TMEM255A: variants seen among roughly 807,000 people sequenced by gnomAD.
The protein encoded by TMEM255A is transmembrane protein 255A, also known as family with sequence similarity 70, member A.
A neutral mutation model predicts 23.5 loss-of-function variants in TMEM255A; 14 were observed. The observed-to-expected ratio is 0.60, with a 90% CI of 0.39 to 0.93. TMEM255A has a LOEUF of 0.93. Among genes scored for constraint, TMEM255A ranks in the 40% least tolerant of loss-of-function variants. TMEM255A has a pLI of 0.00. For synonymous variants in TMEM255A, 104 were observed against 100.3 expected (o/e 1.04, Z -0.22); for missense variants, 233 against 261.7 (o/e 0.89, Z 0.76).
intron 1 of TMEM255A, among the ~76,000 whole-genome samples, chrX:120,310,559 C>T (rs1226135297): frequency 8.9e-6 from 1 of 112,200 alleles, no homozygotes. Flanking sequence ...TTTTCACACT[C>T]ATGCACATTC....
chrX:120,283,068 G>A lies in TMEM255A; in HGVS notation c.512+2059C>T, dbSNP rs181009835. ...ATAAAAACAAAGGGAAAGACAGATC[G>A]GGGAAGGAAGGATGAGGGGAGGCAA... On this transcript the variant is annotated intron_variant, in intron 6 of 8. Coordinates refer to ENST00000371369, the MANE Select transcript of TMEM255A (RefSeq NM_001104544.3). 8.2e-5 allele frequency among the ~76,000 whole-genome samples: 9 copies of A among 110,388 alleles called. No individual in the cohort carries two copies. The South Asian group carries it at 1.6e-3, about 19-fold the overall frequency.
intron 6 of TMEM255A, among the ~76,000 whole-genome samples, chrX:120,279,938 G>A (rs183291977): frequency 9.5e-6 from 1 of 105,801 alleles, no homozygotes; most frequent in African/African-American, 3.4e-5. Flanking sequence ...TTGTTTGTTT[G>A]GTTGGTTGGG....
chrX:120,302,032 G>C (rs782370091), intron 2 of TMEM255A, among the ~76,000 whole-genome samples: 1 of 111,826 alleles, frequency 8.9e-6, no homozygotes, highest in South Asian at 3.8e-4. Flanking sequence ...GGAACTATGA[G>C]AGCACATTTT....
chrX:120,300,584 G>A (rs1195234373), intron 2 of TMEM255A, among the ~76,000 whole-genome samples: 1 of 85,714 alleles, frequency 1.2e-5, no homozygotes, highest in East Asian at 4.1e-4. Flanking sequence ...TTGTAGAGAT[G>A]GGGCTTTGTC....
At position 120,280,458 on chromosome X, in the gene TMEM255A, A is replaced by T. The variant is rs1403279094; in HGVS notation, c.513-3411T>A. 6.4e-5 allele frequency among the ~76,000 whole-genome samples: 7 copies of T among 110,233 alleles called. No individual in the cohort carries two copies. The East Asian group carries it at 2.0e-3, about 31-fold the overall frequency. On this transcript the variant is annotated intron_variant, in intron 6 of 8. Transcript: ENST00000371369. ...TGAACCATGAAGGAAAAGAAAGCTA[A>T]TTCTTAGATATGGTTCGGGTTTAGC...
the TMEM255A span, among the ~76,000 whole-genome samples, chrX:120,252,048 C>G: frequency 1.8e-5 from 2 of 112,441 alleles, no homozygotes; most frequent in Admixed American, 1.9e-4. Flanking sequence ...TTATGGTAAC[C>G]TGGAATTCCT....
rs781815565 is a variant in TMEM255A at position 120,261,015 on chromosome X, A to T, written c.833T>A (p.Phe278Tyr). 45 of 1,192,060 alleles carry T rather than the reference A, an allele frequency of 3.8e-5. No individual in the cohort carries two copies. The highest frequency in any genetic ancestry group is 4.7e-5 in the Non-Finnish European group (42 of 889,153). Residue 278 changes from phenylalanine (F) to tyrosine (Y), a missense_variant, in exon 9 of 9, where the codon TTT becomes TAT. By Grantham distance (22) the Phe-to-Tyr change is conservative. Transcript: ENST00000371369. Reference sequence around the variant, plus strand: ...AAGTCCAGAGGGAGGGGAGGATGGAAAGACACCGGAATGCTGTGTGATAAA... The same window carrying T: ...AAGTCCAGAGGGAGGGGAGGATGGATAGACACCGGAATGCTGTGTGATAAA... ...SAYDFQHSGV[F>Y]PSSPPSGLSD...
downstream of TMEM255A, chrX:120,258,011 C>T (rs2057649551): frequency 8.2e-6 from 1 of 122,608 alleles, no homozygotes; most frequent in Non-Finnish European, 1.9e-5. Context: ...TTAAAAATGC[C>T]ATAACAATCT....
intron 1 of TMEM255A, among the ~76,000 whole-genome samples, chrX:120,308,582 A>G (rs1319387090): frequency 1.3e-4 from 15 of 111,682 alleles, no homozygotes; most frequent in East Asian, 5.6e-4. Context: ...GACCCTGCCA[A>G]TCTCCCAAAC....
At chrX:120,258,572 T>C (rs1053602020), downstream of TMEM255A, 1 of 112,526 alleles carries the variant, frequency 8.9e-6, no homozygotes, top group Non-Finnish European at 1.9e-5. Flanking sequence ...TGAACCCTAA[T>C]AGTCAAAAGT....
Position 120,260,338 on chromosome X carries a change from G to T in TMEM255A, c.*532C>A. 1 of 275,523 alleles carries T rather than the reference G, an allele frequency of 3.6e-6. No individual in the cohort carries two copies. Among genetic ancestry groups the T allele is most frequent in the Non-Finnish European group, 5.0e-6 (1 of 201,237 alleles). 22.7% of individuals were successfully genotyped at this position (275,523 alleles called of 1,213,427 possible). Reference sequence around the variant, plus strand: ...GAGAAGGAAGGAGTAAGAGATACGGGCAGTCTTTTTCAACATCCAGACACA... The same window carrying T: ...GAGAAGGAAGGAGTAAGAGATACGGTCAGTCTTTTTCAACATCCAGACACA... On this transcript the variant is annotated 3_prime_UTR_variant, in exon 9 of 9. Coordinates refer to ENST00000371369, the MANE Select transcript of TMEM255A (RefSeq NM_001104544.3).
intron 1 of TMEM255A, among the ~76,000 whole-genome samples, chrX:120,307,737 A>G (rs1334716777): frequency 8.9e-6 from 1 of 111,786 alleles, no homozygotes; most frequent in Non-Finnish European, 1.9e-5. Context: ...ATCTCTCACT[A>G]CTCTGTCTCC....
chrX:120,306,868 C>T (rs188833164), intron 1 of TMEM255A, among the ~76,000 whole-genome samples: 1 of 111,989 alleles, frequency 8.9e-6, no homozygotes, highest in African/African-American at 3.3e-5. Flanking sequence ...ATTTGAAAAT[C>T]TTTTTTCCTG....
downstream of TMEM255A, chrX:120,253,689 C>G (rs1353974426): frequency 8.3e-7 from 1 of 1,211,388 alleles, no homozygotes; most frequent in Non-Finnish European, 1.1e-6. Context: ...TAAAATTGTT[C>G]GTGTTAGATC....
intron 2 of TMEM255A, among the ~76,000 whole-genome samples, chrX:120,302,020 C>T (rs2058036378): frequency 8.9e-6 from 1 of 111,839 alleles, no homozygotes; most frequent in Non-Finnish European, 1.9e-5. Context: ...AAGCAATCTC[C>T]AGGAACTATG....
chrX:120,273,442 G>T, intron 7 of TMEM255A: 1 of 215,138 alleles, frequency 4.6e-6, no homozygotes, highest in Non-Finnish European at 9.0e-6. Flanking sequence ...AATCCAGAGT[G>T]GTATCAATTC....
chrX:120,305,218 C>T (rs889432694), intron 1 of TMEM255A, among the ~76,000 whole-genome samples: 1 of 111,643 alleles, frequency 9.0e-6, no homozygotes, highest in East Asian at 2.8e-4. Context: ...TTCTCCCACT[C>T]AGGGCTTATC....
At chrX:120,292,344 C>T (rs1556023170) in intron 3 of TMEM255A, among the ~76,000 whole-genome samples, 1 of 111,740 alleles carries the variant, frequency 8.9e-6, no homozygotes, top group African/African-American at 3.3e-5. Context: ...AGCTGACCGC[C>T]TGCCTGTGTT....
chrX:120,253,120 T>A, the TMEM255A span, among the ~76,000 whole-genome samples: 1 of 111,574 alleles, frequency 9.0e-6, no homozygotes, highest in Non-Finnish European at 1.9e-5. Context: ...TCTTTAAAAA[T>A]CACTTAGTGG....
Sources: gnomAD v4.1 joint callset for allele counts (sites outside exome capture counted in the v4.1 genomes callset) on GRCh38, gnomAD v4.1.1 for gene constraint, MANE v1.5 for transcripts, NCBI Gene and HGNC (gene_info 2026-07-23, HGNC 2026-07-21) for gene names.